The following DYNC2I1 variants were observed in gnomAD, a reference collection of about 807,000 sequenced individuals.
DYNC2I1 encodes the protein dynein 2 intermediate chain 1.
DYNC2I1 carries 89 observed loss-of-function variants against 133.4 expected under a neutral mutation model. The ratio of observed to expected loss-of-function variants is 0.67; its 90% confidence interval spans 0.56 to 0.80. The LOEUF (loss-of-function observed/expected upper bound fraction) is 0.80, where lower values mean the gene tolerates loss of function less well. DYNC2I1 is among the 30% of genes least tolerant of loss of function. DYNC2I1 has a pLI of 0.00. For synonymous variants in DYNC2I1, 504 were observed against 484.3 expected (o/e 1.04, Z -0.54); for missense variants, 1,291 against 1,314.5 (o/e 0.98, Z 0.28).
chr7:158,888,019 C>CTTTTTTTTTT (rs545903783), intron 7 of DYNC2I1, among the ~76,000 whole-genome samples: 6 of 96,598 alleles, frequency 6.2e-5, no homozygotes, highest in Admixed American at 1.2e-4. Flanking sequence ...AACCATTGTC[C>CTTTTTTTTTT]TTTTTTTTTT....
downstream of DYNC2I1, chr7:158,956,751 C>T: frequency 6.6e-6 from 1 of 152,492 alleles, no homozygotes; most frequent in Non-Finnish European, 1.5e-5. Context: ...TACCTCCCAG[C>T]CTGTGGCGTA....
Position 158,927,036 on chromosome 7 carries a change from T to C in DYNC2I1, c.2478T>C (p.Ser826=). 1 of 1,598,898 alleles carries C rather than the reference T, an allele frequency of 6.3e-7. No individual in the cohort carries two copies. Among genetic ancestry groups the C allele is most frequent in the Non-Finnish European group, 8.5e-7 (1 of 1,171,394 alleles). The change falls in exon 20 of 25, where the codon AGT becomes AGC. Residue 826 remains serine (S), a synonymous_variant. Transcript: ENST00000407559. The part of the protein sequence containing the change: ...LPKADIAGSI[S]DLGLMPGGRV... ...AGGCAGACATCGCAGGTTCAATAAG[T>C]GATTTAGGTAACTATTAAGTAAAAA...
chr7:158,871,374 A>G lies in DYNC2I1; in HGVS notation c.302A>G (p.Lys101Arg), dbSNP rs761376322. ...AGAAGAGACGCAAAAGACCGGGAGA[A>G]AGAAAAGCTGAAGGAGAAACATCGA... ...ERRRDAKDRE[K>R]EKLKEKHREA... The change falls in exon 3 of 25, where the codon AAA becomes AGA. Residue 101 changes from lysine to arginine, a missense_variant. Lys to Arg is a conservative substitution (Grantham distance 26). Coordinates refer to ENST00000407559, the MANE Select transcript of DYNC2I1 (RefSeq NM_018051.5). 2.9e-5 allele frequency: 45 copies of G among 1,548,112 alleles called. No individual in the cohort carries two copies. The highest frequency in any genetic ancestry group is 3.9e-5 in the Non-Finnish European group (45 of 1,144,756).
At chr7:158,863,267 G>A (rs1389173474) in intron 1 of DYNC2I1, among the ~76,000 whole-genome samples, 1 of 151,898 alleles carries the variant, frequency 6.6e-6, no homozygotes, top group Non-Finnish European at 1.5e-5. Flanking sequence ...TTAGCTAGAC[G>A]CAGAGCGCTG....
In DYNC2I1 at chr7:158,910,170, G is replaced by A. The variant is rs149465334; in HGVS notation, c.1461-1380G>A. ...TTTGACCCCGGGCACACTAATGTTA[G>A]GGTGAAACTTAGGAAAGGAAAACCC... On this transcript the variant is annotated intron_variant, in intron 11 of 24. Transcript: ENST00000407559. 4.9e-3 allele frequency among the ~76,000 whole-genome samples: 750 copies of A among 152,376 alleles called. 5 individuals are homozygous for A. The highest frequency in any genetic ancestry group is 0.017 in the African/African-American group (713 of 41,590).
intron 4 of DYNC2I1, among the ~76,000 whole-genome samples, chr7:158,878,721 G>T (rs190282786): frequency 6.8e-6 from 1 of 147,030 alleles, no homozygotes; most frequent in East Asian, 2.1e-4. Context: ...GGGAGGCGAG[G>T]AGGGCAGACT....
At chr7:158,864,694 T>TG (rs1284470770) in intron 1 of DYNC2I1, among the ~76,000 whole-genome samples, 5 of 151,562 alleles carry the variant, frequency 3.3e-5, no homozygotes, top group Non-Finnish European at 7.4e-5. Context: ...TTGATGGAGA[T>TG]GGGGTCTTGC....
At chr7:158,867,116 A>G (rs776037958) in intron 1 of DYNC2I1, among the ~76,000 whole-genome samples, 4 of 150,172 alleles carry the variant, frequency 2.7e-5, no homozygotes, top group Non-Finnish European at 5.9e-5. Context: ...TAATTATGGT[A>G]TATTCTCTGC....
Position 158,884,636 on chromosome 7 carries a change from C to A in DYNC2I1, c.935+17C>A. On this transcript the variant is annotated intron_variant, in intron 6 of 24. Transcript: ENST00000407559. ...CAGCAGCCAGTAAGGATTGCATGCC[C>A]TGTGGTCGACCTTTACGTGTGCCGC... 6.2e-7 allele frequency: 1 copy of A among 1,612,256 alleles called. No individual in the cohort carries two copies. Among genetic ancestry groups the A allele is most frequent in the Non-Finnish European group, 8.5e-7 (1 of 1,179,152 alleles).
intron 1 of DYNC2I1, among the ~76,000 whole-genome samples, chr7:158,858,385 A>T (rs565336606): frequency 3.9e-5 from 6 of 152,020 alleles, no homozygotes; most frequent in African/African-American, 1.4e-4. Flanking sequence ...TTCTAAGCTC[A>T]CTCTACTCAG....
chr7:158,872,770 G>A (rs1170754991), intron 3 of DYNC2I1, among the ~76,000 whole-genome samples: 1 of 152,058 alleles, frequency 6.6e-6, no homozygotes, highest in Non-Finnish European at 1.5e-5. Context: ...GCCGAGGTGG[G>A]CAGATCACTT....
chr7:158,952,033 G>T (rs1168615909), intron 4 of DYNC2I1, among the ~76,000 whole-genome samples: 1 of 152,202 alleles, frequency 6.6e-6, no homozygotes, highest in Non-Finnish European at 1.5e-5. Context: ...CATCACCCAT[G>T]GTGGGTGTGA....
At chr7:158,902,802 C>T (rs1846376619) in intron 10 of DYNC2I1, 4 of 564,552 alleles carry the variant, frequency 7.1e-6, no homozygotes, top group Non-Finnish European at 9.3e-6. Context: ...TTCTCTTACA[C>T]AGAGAAGTTG....
upstream of DYNC2I1, among the ~76,000 whole-genome samples, chr7:158,856,193 G>T (rs1424272020): frequency 6.6e-6 from 1 of 151,472 alleles, no homozygotes; most frequent in East Asian, 1.9e-4. Context: ...TGATCCACCC[G>T]CCTCCGCCTC....
At chr7:158,849,503 T>C in the DYNC2I1 span, among the ~76,000 whole-genome samples, 1 of 152,154 alleles carries the variant, frequency 6.6e-6, no homozygotes, top group African/African-American at 2.4e-5. Flanking sequence ...CACAGACAAG[T>C]GAAGGGTGAA....
chr7:158,906,337 C>T (rs1846810726), intron 11 of DYNC2I1, among the ~76,000 whole-genome samples: 1 of 151,596 alleles, frequency 6.6e-6, no homozygotes, highest in Non-Finnish European at 1.5e-5. Context: ...TGGAGCTACC[C>T]TGGGAGTAAA....
In DYNC2I1 at chr7:158,887,167, C is replaced by T. The variant is rs144390366; in HGVS notation, c.990+92C>T. 3.5e-4 allele frequency: 443 copies of T among 1,251,206 alleles called. No homozygotes were observed. In the African/African-American group the frequency reaches 6.0e-3, roughly 17 times the overall value. The allele number at this position is 1,251,206 out of a possible 1,614,324, so 77.5% of individuals were successfully genotyped here. A position where few individuals can be genotyped will look rare whatever the true frequency, so the allele number is the denominator to read the frequency against. ...TGGGCTTCCCCTTGAAACCAGAGGCCGAGACAGGGCTCATTTGCAGATGGT... is the reference window on the plus strand; with the variant it reads ...TGGGCTTCCCCTTGAAACCAGAGGCTGAGACAGGGCTCATTTGCAGATGGT... On this transcript the variant is annotated intron_variant, in intron 7 of 24. Transcript: ENST00000407559.
chr7:158,935,295 C>A (rs1454377961), intron 23 of DYNC2I1, among the ~76,000 whole-genome samples: 1 of 152,226 alleles, frequency 6.6e-6, no homozygotes, highest in Admixed American at 6.5e-5. Context: ...GCCCAGCTCA[C>A]CCTAGTCACA....
the DYNC2I1 span, among the ~76,000 whole-genome samples, chr7:158,844,123 C>G: frequency 6.6e-6 from 1 of 152,186 alleles, no homozygotes; most frequent in Admixed American, 6.5e-5. Flanking sequence ...GGAAGGCAGT[C>G]TCTCTCCTCT....
Sources: gnomAD v4.1 joint callset for allele counts (sites outside exome capture counted in the v4.1 genomes callset) on GRCh38, gnomAD v4.1.1 for gene constraint, MANE v1.5 for transcripts, NCBI Gene and HGNC (gene_info 2026-07-23, HGNC 2026-07-21) for gene names.